UBE2E2: variants seen among roughly 807,000 people sequenced by gnomAD.
UBE2E2 encodes the protein ubiquitin conjugating enzyme E2 E2, also known as ubiquitin-conjugating enzyme E2 E2.
Under a neutral mutation model 24.7 loss-of-function variants are expected in UBE2E2, and 6 were observed. That is an observed-to-expected ratio of 0.24 (90% CI 0.13 to 0.48). The LOEUF is 0.48. Ranked by LOEUF, UBE2E2 falls within the 20% of genes least tolerant of loss-of-function variation. The pLI, the probability that UBE2E2 is intolerant of heterozygous loss-of-function variation, is 0.99. For missense variants in UBE2E2, 169 were observed against 245.0 expected (o/e 0.69, Z 2.07); for synonymous variants, 104 against 83.6 (o/e 1.24, Z -1.33).
chr3:23,388,817 C>A (rs1181608834), intron 3 of UBE2E2, among the ~76,000 whole-genome samples: 1 of 151,726 alleles, frequency 6.6e-6, no homozygotes, highest in East Asian at 1.9e-4. Context: ...CCAGCCTGAC[C>A]AACATGGTGA....
intron 3 of UBE2E2, among the ~76,000 whole-genome samples, chr3:23,252,354 G>A (rs1214715585): frequency 6.6e-6 from 1 of 152,076 alleles, no homozygotes; most frequent in Admixed American, 6.5e-5. Flanking sequence ...CAGTGATCTT[G>A]AGGACTATGA....
At chr3:23,268,207 G>A (rs1285116110) in intron 3 of UBE2E2, among the ~76,000 whole-genome samples, 1 of 149,000 alleles carries the variant, frequency 6.7e-6, no homozygotes, top group Non-Finnish European at 1.5e-5. Flanking sequence ...TCTGGCCAGG[G>A]CAATTAGGCA....
chr3:23,331,307 G>T (rs921643366), intron 3 of UBE2E2, among the ~76,000 whole-genome samples: 10 of 152,192 alleles, frequency 6.6e-5, no homozygotes, highest in African/African-American at 2.4e-4. Context: ...CCAGGTTTAG[G>T]TGCATTGTTT....
chr3:23,296,751 T>C (rs1698921067), intron 3 of UBE2E2, among the ~76,000 whole-genome samples: 1 of 152,262 alleles, frequency 6.6e-6, no homozygotes, highest in Non-Finnish European at 1.5e-5. Context: ...CTATTGTGAA[T>C]AGTGCCGCAA....
intron 3 of UBE2E2, among the ~76,000 whole-genome samples, chr3:23,272,038 G>A (rs533028705): frequency 1.3e-5 from 2 of 152,336 alleles, no homozygotes; most frequent in South Asian, 4.1e-4. Flanking sequence ...GCACTTCTCA[G>A]CCCTTGGGCA....
At chr3:23,439,242 A>T (rs1698245109) in intron 3 of UBE2E2, among the ~76,000 whole-genome samples, 1 of 152,216 alleles carries the variant, frequency 6.6e-6, no homozygotes, top group Non-Finnish European at 1.5e-5. Context: ...CTTCATGCGT[A>T]TTCTTCCTGT....
At position 23,487,381 on chromosome 3, in the gene UBE2E2, G is replaced by C. The variant is rs117258923; in HGVS notation, c.228-12227G>C. 6.9e-4 allele frequency among the ~76,000 whole-genome samples: 105 copies of C among 152,278 alleles called. 2 individuals carry two copies. The East Asian group carries it at 0.019, about 27-fold the overall frequency. On this transcript the variant is annotated intron_variant, in intron 3 of 5. Transcript: ENST00000396703. ...AGCTGCAGCTGCGCCTAGAAGTGCA[G>C]GCTCCCACCCTACCAACTCGGTAGG...
At chr3:23,302,524 C>T (rs1699126611) in intron 3 of UBE2E2, among the ~76,000 whole-genome samples, 1 of 152,196 alleles carries the variant, frequency 6.6e-6, no homozygotes, top group Non-Finnish European at 1.5e-5. Flanking sequence ...ACCAACCTCT[C>T]CTTTCTTTGA....
At chr3:23,301,890 A>G (rs1446584758) in intron 3 of UBE2E2, among the ~76,000 whole-genome samples, 3 of 140,686 alleles carry the variant, frequency 2.1e-5, no homozygotes, top group East Asian at 3.9e-4. Flanking sequence ...CTATTCGGCC[A>G]TCTTGGCTCC....
intron 5 of UBE2E2, among the ~76,000 whole-genome samples, chr3:23,573,577 A>G (rs1485567930): frequency 1.3e-5 from 2 of 152,202 alleles, no homozygotes; most frequent in African/African-American, 4.8e-5. Flanking sequence ...CCATCATAAA[A>G]TGACCTTCTG....
chr3:23,586,197 A>G (rs1696621673), intron 5 of UBE2E2, among the ~76,000 whole-genome samples: 1 of 152,236 alleles, frequency 6.6e-6, no homozygotes, highest in East Asian at 1.9e-4. Flanking sequence ...TACTGGGGGT[A>G]ATATTCAGAA....
rs555034781 is a variant in UBE2E2, at chr3:23,418,893, G to GA, written c.228-80714dup. On this transcript the variant is annotated intron_variant, in intron 3 of 5. Transcript: ENST00000396703. ...TGGTTAAAATACCCTTGGCAGTAAG[G>GA]ATGTTAGATTAAATGACTTCCCACC... Among the ~76,000 whole-genome samples the GA allele has an allele frequency of 2.3e-3, 343 of 151,962 alleles. 3 individuals are homozygous for GA. The highest frequency in any genetic ancestry group is 7.9e-3 in the African/African-American group (327 of 41,450).
chr3:23,450,534 A>G (rs1698541323), intron 3 of UBE2E2, among the ~76,000 whole-genome samples: 2 of 152,170 alleles, frequency 1.3e-5, no homozygotes, highest in South Asian at 2.1e-4. Context: ...CTTGTATTAT[A>G]TTACTAGAAA....
intron 4 of UBE2E2, among the ~76,000 whole-genome samples, chr3:23,520,947 T>G (rs916545152): frequency 6.6e-6 from 1 of 151,014 alleles, no homozygotes; most frequent in Non-Finnish European, 1.5e-5. Flanking sequence ...CCAGCTCATG[T>G]TTTTTTTTAT....
chr3:23,430,236 A>G (rs1007947567), intron 3 of UBE2E2, among the ~76,000 whole-genome samples: 15 of 152,322 alleles, frequency 9.8e-5, no homozygotes, highest in African/African-American at 2.2e-4. Context: ...AGCTTATTCT[A>G]TAATCGACAT....
At chr3:23,256,003 A>C (rs1374975183) in intron 3 of UBE2E2, among the ~76,000 whole-genome samples, 3 of 152,204 alleles carry the variant, frequency 2.0e-5, no homozygotes, top group African/African-American at 7.2e-5. Context: ...AGCTTCTGAG[A>C]GTATTTATTA....
At chr3:23,307,048 GC>G (rs1699253993) in intron 3 of UBE2E2, among the ~76,000 whole-genome samples, 1 of 152,048 alleles carries the variant, frequency 6.6e-6, no homozygotes, top group African/African-American at 2.4e-5. Flanking sequence ...CAACAGACAA[GC>G]TGATATTTTT....
At chr3:23,240,753 T>C (rs951078406) in intron 3 of UBE2E2, among the ~76,000 whole-genome samples, 2 of 152,252 alleles carry the variant, frequency 1.3e-5, no homozygotes, top group African/African-American at 4.8e-5. Context: ...TTTCTCTTTT[T>C]GTCCACATAC....
chr3:23,410,499 T>TA (rs1559375680), intron 3 of UBE2E2, among the ~76,000 whole-genome samples: 1 of 152,198 alleles, frequency 6.6e-6, no homozygotes, highest in East Asian at 1.9e-4. Flanking sequence ...GGCATGTTTT[T>TA]ATGAATGTTC....
Sources: allele counts gnomAD v4.1 joint callset (sites outside exome capture counted in the v4.1 genomes callset), GRCh38; gene constraint gnomAD v4.1.1; transcripts MANE v1.5; gene names NCBI Gene and HGNC (gene_info 2026-07-23, HGNC 2026-07-21).